The following CDH4 variants were observed in gnomAD, a reference collection of about 807,000 sequenced individuals.
CDH4 encodes cadherin 4.
Under a neutral mutation model 86.0 loss-of-function variants are expected in CDH4, and 33 were observed. That is an observed-to-expected ratio of 0.38 (90% CI 0.29 to 0.51). CDH4 has a LOEUF of 0.51. Among genes scored for constraint, CDH4 ranks in the 20% least tolerant of loss-of-function variants. The pLI, the probability that CDH4 is intolerant of heterozygous loss-of-function variation, is 0.86. For missense variants in CDH4, 1,114 were observed against 1,307.4 expected, an observed-to-expected ratio of 0.85 and a Z score of 2.28; for synonymous variants, 555 against 549.4, an observed-to-expected ratio of 1.01 and a Z score of -0.14.
At chr20:61,711,992 C>T (rs1163652007) in intron 2 of CDH4, among the ~76,000 whole-genome samples, 1 of 152,150 alleles carries the variant, frequency 6.6e-6, no homozygotes, top group African/African-American at 2.4e-5. Flanking sequence ...GACACTGCCC[C>T]ACTCTGTGCA....
intron 4 of CDH4, among the ~76,000 whole-genome samples, chr20:61,813,297 A>G (rs1436887405): frequency 6.6e-6 from 1 of 152,112 alleles, no homozygotes; most frequent in Non-Finnish European, 1.5e-5. Flanking sequence ...TCGGGAGTCC[A>G]CGTGTGTCCT....
rs1978882892 is a variant in CDH4 at position 61,786,394 on chromosome 20, C to T, written c.576+13212C>T. 1.3e-5 allele frequency among the ~76,000 whole-genome samples: 2 copies of T among 152,092 alleles called. 1 individual carries two copies. The highest frequency in any genetic ancestry group is 4.2e-4 in the South Asian group (2 of 4,816). On this transcript the variant is annotated intron_variant, in intron 4 of 15. Transcript: ENST00000614565. ...CAGCCAGACACAGCGCTGAGACCCA[C>T]GGGGATTCACATTGTCCCCGCTGAA... is the stretch of plus-strand genomic sequence containing the variant.
chr20:61,746,303 G>T (rs2088413932), intron 3 of CDH4, among the ~76,000 whole-genome samples: 1 of 152,218 alleles, frequency 6.6e-6, no homozygotes, highest in South Asian at 2.1e-4. Flanking sequence ...CATGACTGTT[G>T]CAGGGCACAG....
chr20:61,713,676 C>T (rs912883472), intron 2 of CDH4, among the ~76,000 whole-genome samples: 6 of 152,264 alleles, frequency 3.9e-5, no homozygotes, highest in African/African-American at 7.2e-5. Context: ...GGCTGCCCCC[C>T]ACTGCCCTGC....
At position 61,934,142 on chromosome 20, in the gene CDH4, G is replaced by T. The variant is rs995003436; in HGVS notation, c.2466G>T (p.Arg822=). Residue 822 remains arginine (R), a synonymous_variant, in exon 15 of 16, where the codon CGG becomes CGT. Transcript: ENST00000614565. ...KAPGVRRVDE[R]PVGAEPQYPI... is the part of the protein sequence containing the mutation. ...CTGGCGTGCGTCGCGTGGATGAGCG[G>T]CCGGTGGGCGCTGAGCCCCAGTACC... is the stretch of plus-strand genomic sequence containing the variant. 1.2e-6 allele frequency: 2 copies of T among 1,610,602 alleles called. No individual in the cohort carries two copies. Among genetic ancestry groups the T allele is most frequent in the East Asian group, 4.5e-5 (2 of 44,824 alleles).
chr20:61,629,837 G>A (rs2427199), intron 2 of CDH4, among the ~76,000 whole-genome samples: 4 of 151,706 alleles, frequency 2.6e-5, no homozygotes, highest in Non-Finnish European at 4.4e-5. Flanking sequence ...CCGATGCGGC[G>A]CCTTCCTTAG....
intron 4 of CDH4, among the ~76,000 whole-genome samples, chr20:61,835,613 TCA>T (rs1386642068): frequency 6.6e-6 from 1 of 152,200 alleles, no homozygotes; most frequent in African/African-American, 2.4e-5. Context: ...AAGGCTCAGT[TCA>T]TACACCAGGG....
At position 61,885,097 on chromosome 20, in the gene CDH4, G is replaced by A. The variant is rs550145490; in HGVS notation, c.1051-9813G>A. On this transcript the variant is annotated intron_variant, in intron 7 of 15. Transcript: ENST00000614565. ...GTGGACATAGGGTGCTGAGTCCCTC[G>A]GGCCCCTGCAAGGCAGCGGGGACTG... 1.1e-4 allele frequency among the ~76,000 whole-genome samples: 16 copies of A among 152,244 alleles called. No homozygotes were observed. In the South Asian group the frequency reaches 1.4e-3, roughly 14 times the overall value.
intron 8 of CDH4, among the ~76,000 whole-genome samples, chr20:61,899,874 G>T (rs1776244): frequency 0.13 from 19,798 of 152,184 alleles, 3,017 homozygotes; most frequent in East Asian, 0.45. Flanking sequence ...TGGAAATACA[G>T]ATTTTTCTCT....
intron 2 of CDH4, among the ~76,000 whole-genome samples, chr20:61,588,718 C>T (rs1356739493): frequency 6.6e-6 from 1 of 152,214 alleles, no homozygotes; most frequent in Non-Finnish European, 1.5e-5. Context: ...TCCTCGCAAA[C>T]ACCACCAGCC....
At chr20:61,445,148 G>A (rs962621568) in intron 2 of CDH4, among the ~76,000 whole-genome samples, 1 of 152,104 alleles carries the variant, frequency 6.6e-6, no homozygotes, top group South Asian at 2.1e-4. Context: ...CCTATTGCAA[G>A]AATCCCAGCC....
intron 4 of CDH4, among the ~76,000 whole-genome samples, chr20:61,814,910 A>AGCTCCTCCCACGCTCC (rs1277370713): frequency 6.6e-6 from 1 of 152,066 alleles, no homozygotes; most frequent in African/African-American, 2.4e-5. Context: ...GAATTCCATG[A>AGCTCCTCCCACGCTCC]GCTCCTCCCA....
intron 2 of CDH4, among the ~76,000 whole-genome samples, chr20:61,598,122 G>A (rs1348081176): frequency 2.0e-5 from 3 of 152,194 alleles, no homozygotes; most frequent in Non-Finnish European, 2.9e-5. Flanking sequence ...CACTGTGGGG[G>A]TGATGGTGAC....
chr20:61,396,862 A>G (rs1234265724), intron 2 of CDH4, among the ~76,000 whole-genome samples: 3 of 152,124 alleles, frequency 2.0e-5, no homozygotes, highest in African/African-American at 7.2e-5. Context: ...TTCATGATAC[A>G]CTTTTTAATA....
chr20:61,659,861 C>T (rs1010938599), intron 2 of CDH4, among the ~76,000 whole-genome samples: 21 of 152,226 alleles, frequency 1.4e-4, no homozygotes, highest in Non-Finnish European at 3.1e-4. Context: ...GCTGCAGCTG[C>T]AGCCTCTGGA....
chr20:61,478,681 G>T (rs1340101276), intron 2 of CDH4, among the ~76,000 whole-genome samples: 1 of 152,236 alleles, frequency 6.6e-6, no homozygotes, highest in African/African-American at 2.4e-5. Flanking sequence ...AGCCCGGCGT[G>T]TAGCAGACAT....
At chr20:61,595,710 C>CACTA (rs1193223841) in intron 2 of CDH4, among the ~76,000 whole-genome samples, 18 of 152,194 alleles carry the variant, frequency 1.2e-4, no homozygotes, top group Admixed American at 1.2e-3. Flanking sequence ...ATACTAGAGG[C>CACTA]GGCCCGTCTG....
intron 4 of CDH4, among the ~76,000 whole-genome samples, chr20:61,838,834 AAAAAG>A (rs1210393624): frequency 2.3e-5 from 3 of 128,978 alleles, no homozygotes; most frequent in East Asian, 2.5e-4. Context: ...AAAAAAAAAA[AAAAAG>A]AAAGAAAGAA....
rs574270496 is a variant in CDH4, at chr20:61,397,625, TTGCATTGTATTTTCCCCA to T, written c.169+142690_169+142707del. 1.6e-4 allele frequency among the ~76,000 whole-genome samples: 25 copies of T among 152,314 alleles called. No individual in the cohort carries two copies. The South Asian group carries it at 5.2e-3, about 32-fold the overall frequency. ...TTTTCTTCAGAATGGCATAATCACATTGCATTGTATTTTCCCCATTTCAATGGTAATAGATATAAATGT... is the reference window on the plus strand; with the variant it reads ...TTTTCTTCAGAATGGCATAATCACATTTTCAATGGTAATAGATATAAATGT... On this transcript the variant is annotated intron_variant, in intron 2 of 15. Transcript: ENST00000614565.
Sources: allele counts gnomAD v4.1 joint callset (sites outside exome capture counted in the v4.1 genomes callset), GRCh38; gene constraint gnomAD v4.1.1; transcripts MANE v1.5; gene names NCBI Gene and HGNC (gene_info 2026-07-23, HGNC 2026-07-21).